The following SRXN1 variants were observed in gnomAD, a reference collection of about 807,000 sequenced individuals.
SRXN1 encodes the protein sulfiredoxin 1, also known as sulfiredoxin-1.
SRXN1 carries 11 observed loss-of-function variants against 11.0 expected under a neutral mutation model. The observed-to-expected ratio is 1.00, with a 90% CI of 0.63 to 1.65. The LOEUF (loss-of-function observed/expected upper bound fraction) is 1.65, where lower values mean the gene tolerates loss of function less well. Among genes scored for constraint, SRXN1 ranks in the 40% most tolerant of loss-of-function variants. The probability of loss-of-function intolerance (pLI) is 0.00; values close to 1 mark genes in which losing one functional copy is unlikely to be tolerated. For synonymous variants in SRXN1, 106 were observed against 92.8 expected (o/e 1.14, Z -0.82); for missense variants, 211 against 194.5 (o/e 1.08, Z -0.50).
At chr20:650,474 C>G (rs974029123) in intron 1 of SRXN1, among the ~76,000 whole-genome samples, 2 of 152,170 alleles carry the variant, frequency 1.3e-5, no homozygotes, top group African/African-American at 4.8e-5. Flanking sequence ...ATCCTCTAAA[C>G]AGGGAAAGTC....
rs989593605 is a variant in SRXN1 at position 648,300 on chromosome 20, T to C, written c.*414A>G. ...CCACCCATCTCCAGAATCCATGCTA[T>C]GTGGAAAAACAATCTTCTGTTTGTT... is the stretch of plus-strand genomic sequence containing the variant. On this transcript the variant is annotated 3_prime_UTR_variant, in exon 2 of 2. Transcript: ENST00000381962. 2 of 459,024 alleles carry C rather than the reference T, an allele frequency of 4.4e-6. No homozygotes were observed. Among genetic ancestry groups the C allele is most frequent in the African/African-American group, 4.0e-5 (2 of 50,218 alleles). The allele number at this position is 459,024 out of a possible 1,614,324, so 28.4% of individuals were successfully genotyped here. A position where few individuals can be genotyped will look rare whatever the true frequency, so the allele number is the denominator to read the frequency against.
rs534567217 is a variant in SRXN1, at chr20:647,289, G to C, written c.*1425C>G. The C allele has an allele frequency of 6.6e-6, 1 of 152,306 alleles. No individual in the cohort carries two copies. Among genetic ancestry groups the C allele is most frequent in the South Asian group, 2.1e-4 (1 of 4,824 alleles). 9.4% of individuals were successfully genotyped at this position (152,306 alleles called of 1,614,324 possible). A position where few individuals can be genotyped will look rare whatever the true frequency, so the allele number is the denominator to read the frequency against. On this transcript the variant is annotated 3_prime_UTR_variant, in exon 2 of 2. Coordinates refer to ENST00000381962, the MANE Select transcript of SRXN1 (RefSeq NM_080725.3). ...GGCCCCATGAGACAGAGAGAAAGGG[G>C]GAAGAGGGAAATACCTTTATCCAAA...
chr20:647,919 A>C lies in SRXN1; in HGVS notation c.*795T>G, dbSNP rs1001705190. On this transcript the variant is annotated 3_prime_UTR_variant, in exon 2 of 2. Transcript: ENST00000381962. ...GGAGGCAGTGTGCCAGTCTCAGTAG[A>C]TGGAACACGATTGGTCTATTCAGCC... 2 of 363,718 alleles carry C rather than the reference A, an allele frequency of 5.5e-6. No individual in the cohort carries two copies. Among genetic ancestry groups the C allele is most frequent in the Admixed American group, 7.1e-5 (2 of 28,256 alleles). 22.5% of individuals were successfully genotyped at this position (363,718 alleles called of 1,614,324 possible).
Position 648,342 on chromosome 20 carries a change from A to C in SRXN1, c.*372T>G, listed in dbSNP as rs1983587180. On this transcript the variant is annotated 3_prime_UTR_variant, in exon 2 of 2. Coordinates refer to ENST00000381962, the MANE Select transcript of SRXN1 (RefSeq NM_080725.3). ...CTGTTTGTTTAAACCACTGCAATCA[A>C]GGTTTTCCTTTCCTTGCAGCTGAAT... The C allele has an allele frequency of 2.1e-6, 1 of 475,130 alleles. No individual in the cohort carries two copies. The allele number at this position is 475,130 out of a possible 1,614,324, so 29.4% of individuals were successfully genotyped here.
At chr20:651,462 T>C (rs1014260277) in intron 1 of SRXN1, among the ~76,000 whole-genome samples, 3 of 152,132 alleles carry the variant, frequency 2.0e-5, no homozygotes, top group Admixed American at 6.5e-5. Flanking sequence ...GGTGGGCAGA[T>C]CGCTTGAGGT....
At position 648,246 on chromosome 20, in the gene SRXN1, T is replaced by C. The variant is rs6053666; in HGVS notation, c.*468A>G. 166,018 of 456,294 alleles carry C rather than the reference T, an allele frequency of 0.36. 32,013 individuals carry two copies. Among genetic ancestry groups the C allele is most frequent in the African/African-American group, 0.54 (27,086 of 50,110 alleles). 28.3% of individuals were successfully genotyped at this position (456,294 alleles called of 1,614,324 possible). A position where few individuals can be genotyped will look rare whatever the true frequency, so the allele number is the denominator to read the frequency against. ...AGGATCCAAGACGTGACCCCTACCT[T>C]CGTGGAGTTGTTGAACCAATACCAT... On this transcript the variant is annotated 3_prime_UTR_variant, in exon 2 of 2. Transcript: ENST00000381962.
At chr20:649,701 CA>C (rs1250218344) in intron 1 of SRXN1, among the ~76,000 whole-genome samples, 22,137 of 101,650 alleles carry the variant, frequency 0.22, 1,591 homozygotes, top group Non-Finnish European at 0.23. Context: ...GAATCCATCT[CA>C]AAAAAAAAAA....
At chr20:648,962 G>C (rs769830632) in intron 1 of SRXN1, 45 bp from the exon 2 acceptor site, 6 of 1,601,428 alleles carry the variant, frequency 3.7e-6, no homozygotes, top group South Asian at 1.1e-5. Context: ...TACAAGGCTT[G>C]AGAGTTTGTA....
Position 648,654 on chromosome 20 carries a change from G to A in SRXN1, c.*60C>T. On this transcript the variant is annotated 3_prime_UTR_variant, in exon 2 of 2. Coordinates refer to ENST00000381962, the MANE Select transcript of SRXN1 (RefSeq NM_080725.3). Reference sequence around the variant, plus strand: ...CTATCCCTTCTGCATGGCCCAGCCTGCTGGAGGCCAGGTGTGTCTTCTGGG... The same window carrying A: ...CTATCCCTTCTGCATGGCCCAGCCTACTGGAGGCCAGGTGTGTCTTCTGGG... 2 of 1,585,734 alleles carry A rather than the reference G, an allele frequency of 1.3e-6. No individual in the cohort carries two copies. Among genetic ancestry groups the A allele is most frequent in the Non-Finnish European group, 1.7e-6 (2 of 1,155,984 alleles).
intron 1 of SRXN1, 88 bp from the exon 2 acceptor site, chr20:649,005 T>C: frequency 1.4e-6 from 2 of 1,401,452 alleles, no homozygotes; most frequent in Non-Finnish European, 2.0e-6. Context: ...CTGAGCTCCT[T>C]ATAAGGTGAT....
At position 648,667 on chromosome 20, in the gene SRXN1, T is replaced by A; in HGVS notation, c.*47A>T. On this transcript the variant is annotated 3_prime_UTR_variant, in exon 2 of 2. Transcript: ENST00000381962. ...ATGGCCCAGCCTGCTGGAGGCCAGG[T>A]GTGTCTTCTGGGCTCTTGAAGGTGG... The A allele has an allele frequency of 6.2e-7, 1 of 1,601,658 alleles. No individual in the cohort carries two copies. Among genetic ancestry groups the A allele is most frequent in the South Asian group, 1.1e-5 (1 of 90,650 alleles).
In SRXN1 at chr20:647,892, C is replaced by T; in HGVS notation, c.*822G>A. The stretch of plus-strand genomic sequence containing the variant: ...TGGTAATGGGATCCCAGTTTTATTG[C>T]AGGAGGCAGTGTGCCAGTCTCAGTA... On this transcript the variant is annotated 3_prime_UTR_variant, in exon 2 of 2. Coordinates refer to ENST00000381962, the MANE Select transcript of SRXN1 (RefSeq NM_080725.3). 1 of 352,412 alleles carries T rather than the reference C, an allele frequency of 2.8e-6. No individual in the cohort carries two copies. Among genetic ancestry groups the T allele is most frequent in the East Asian group, 7.5e-5 (1 of 13,336 alleles). The allele number at this position is 352,412 out of a possible 1,614,324, so 21.8% of individuals were successfully genotyped here.
In SRXN1 at chr20:648,402, C is replaced by G. The variant is rs910233811; in HGVS notation, c.*312G>C. On this transcript the variant is annotated 3_prime_UTR_variant, in exon 2 of 2. Transcript: ENST00000381962. ...ATAAGAGGTTACATAGACAAAAATGCAGAGGGATCCTTGTCCTTGGGAATT... is the reference window on the plus strand; with the variant it reads ...ATAAGAGGTTACATAGACAAAAATGGAGAGGGATCCTTGTCCTTGGGAATT... The G allele has an allele frequency of 1.8e-6, 1 of 551,208 alleles. No individual in the cohort carries two copies. Among genetic ancestry groups the G allele is most frequent in the Admixed American group, 2.2e-5 (1 of 45,364 alleles). The allele number at this position is 551,208 out of a possible 1,614,324, so 34.1% of individuals were successfully genotyped here. A position where few individuals can be genotyped will look rare whatever the true frequency, so the allele number is the denominator to read the frequency against.
intron 1 of SRXN1, among the ~76,000 whole-genome samples, chr20:650,387 A>C (rs1178450435): frequency 6.6e-6 from 1 of 152,126 alleles, no homozygotes; most frequent in African/African-American, 2.4e-5. Context: ...GAAGGGGTGA[A>C]TCCAAGGGCA....
At chr20:649,594 C>G (rs1983622006) in intron 1 of SRXN1, among the ~76,000 whole-genome samples, 1 of 151,678 alleles carries the variant, frequency 6.6e-6, no homozygotes, top group African/African-American at 2.4e-5. Flanking sequence ...CACAGTTACT[C>G]AGGAGGCTGA....
At position 652,991 on chromosome 20, in the gene SRXN1, G is replaced by A. The variant is rs373618818; in HGVS notation, c.195C>T (p.Leu65=). 6.4e-7 allele frequency: 1 copy of A among 1,553,582 alleles called. No homozygotes were observed. Among genetic ancestry groups the A allele is most frequent in the African/African-American group, 1.4e-5 (1 of 72,918 alleles). The part of the protein sequence containing the change: ...SVLDPAKVQS[L]VDTIREDPDS... ...GAGGCCTCACCCGGATCGTGTCCAC[G>A]AGGCTCTGCACCTTGGCGGGGTCCA... Residue 65 remains leucine (L), a synonymous_variant, in exon 1 of 2, where the codon CTC becomes CTT. Coordinates refer to ENST00000381962, the MANE Select transcript of SRXN1 (RefSeq NM_080725.3).
intron 1 of SRXN1, among the ~76,000 whole-genome samples, chr20:650,011 T>C (rs1351186890): frequency 6.6e-6 from 1 of 152,198 alleles, no homozygotes; most frequent in Non-Finnish European, 1.5e-5. Flanking sequence ...CGCAAAGGAC[T>C]TGAAACCAGA....
chr20:652,941 C>A, intron 1 of SRXN1, 35 bp downstream of exon 1: 1 of 1,395,870 alleles, frequency 7.2e-7, no homozygotes, highest in Non-Finnish European at 9.4e-7. Flanking sequence ...CTCCGAAGCC[C>A]TCCCTCCGGT....
At chr20:652,811 G>A (rs1020193237) in intron 1 of SRXN1, among the ~76,000 whole-genome samples, 165 bp downstream of exon 1, 1 of 152,182 alleles carries the variant, frequency 6.6e-6, no homozygotes, top group Non-Finnish European at 1.5e-5. Context: ...GGAAACAGAG[G>A]CCCAGAGAGG....
Sources: allele counts gnomAD v4.1 joint callset (sites outside exome capture counted in the v4.1 genomes callset), GRCh38; gene constraint gnomAD v4.1.1; transcripts MANE v1.5; gene names NCBI Gene and HGNC (gene_info 2026-07-23, HGNC 2026-07-21).